EFEMP1: variants seen among roughly 807,000 people sequenced by gnomAD.
The protein encoded by EFEMP1 is EGF-containing fibulin-like extracellular matrix protein 1.
Under a neutral mutation model 65.7 loss-of-function variants are expected in EFEMP1, and 18 were observed. That is an observed-to-expected ratio of 0.27 (90% CI 0.19 to 0.41). The LOEUF (loss-of-function observed/expected upper bound fraction) is 0.41. Ranked by LOEUF, EFEMP1 falls within the 10% of genes least tolerant of loss-of-function variation. The pLI is 1.00. For synonymous variants in EFEMP1, 237 were observed against 219.7 expected (o/e 1.08, Z -0.70); for missense variants, 469 against 624.8 (o/e 0.75, Z 2.66).
intron 5 of EFEMP1, among the ~76,000 whole-genome samples, chr2:55,902,278 C>T (rs1199858290): frequency 6.6e-6 from 1 of 152,204 alleles, no homozygotes; most frequent in African/African-American, 2.4e-5. Flanking sequence ...TGGTTGTAAG[C>T]ATGGTTTGAG....
At position 55,871,173 on chromosome 2, in the gene EFEMP1, T is replaced by C. The variant is rs1668795036; in HGVS notation, c.1001-50A>G. The C allele has an allele frequency of 1.2e-6, 2 of 1,610,654 alleles. No individual in the cohort carries two copies. Among genetic ancestry groups the C allele is most frequent in the East Asian group, 2.2e-5 (1 of 44,852 alleles). ...TTTACTAACTAAACTAATGAACTGA[T>C]CTAATTAAATCATATAACTGGCAGA... On this transcript the variant is annotated intron_variant, in intron 9 of 11. Coordinates refer to ENST00000355426, the MANE Select transcript of EFEMP1 (RefSeq NM_001039348.3). The surrounding 1 kb of genome is among the most constrained non-coding windows in gnomAD (Gnocchi z 4.2).
Position 55,867,199 on chromosome 2 carries a change from C to T in EFEMP1, c.1356G>A (p.Val452=), listed in dbSNP as rs1668609604. 14 of 1,613,858 alleles carry T rather than the reference C, an allele frequency of 8.7e-6. No homozygotes were observed. Among genetic ancestry groups the T allele is most frequent in the Non-Finnish European group, 1.2e-5 (14 of 1,179,934 alleles). ...TSPVSAMLVL[V]KSLSGPREHI... Reference sequence around the variant, plus strand: ...GTTCTCTTGGTCCTGATAATGACTTCACGAGCACAAGCATTGCACTTACAG... The same window carrying T: ...GTTCTCTTGGTCCTGATAATGACTTTACGAGCACAAGCATTGCACTTACAG... Residue 452 remains valine (V), a synonymous_variant, in exon 12 of 12, where the codon GTG becomes GTA. Transcript: ENST00000355426. The surrounding 1 kb of genome is among the most constrained non-coding windows in gnomAD (Gnocchi z 4.3).
chr2:55,904,978 T>C (rs1670191331), intron 5 of EFEMP1, among the ~76,000 whole-genome samples: 2 of 35,194 alleles, frequency 5.7e-5, no homozygotes, highest in South Asian at 2.2e-3. Flanking sequence ...TTTTTTTTTT[T>C]CTTTTTCTTT....
chr2:55,914,856 C>A (rs1216322255), intron 5 of EFEMP1, among the ~76,000 whole-genome samples: 1 of 152,118 alleles, frequency 6.6e-6, no homozygotes, highest in East Asian at 1.9e-4. Context: ...TAATATAGGT[C>A]CTTAGAGCAC....
rs765057042 is a variant in EFEMP1 at position 55,867,170 on chromosome 2, A to G, written c.1385T>C (p.Ile462Thr). The G allele has an allele frequency of 9.9e-6, 16 of 1,614,026 alleles. No individual in the cohort carries two copies. Among genetic ancestry groups the G allele is most frequent in the Admixed American group, 1.7e-5 (1 of 60,010 alleles). Residue 462 changes from isoleucine to threonine, a missense_variant, in exon 12 of 12, where the codon ATC becomes ACC. Physicochemically the swap from Ile to Thr is moderately conservative, Grantham distance 89 (BLOSUM62 -1). Around this residue, in one of 3 missense-constraint regions of EFEMP1, gnomAD observed 399 missense variants for 528.2 expected, o/e 0.76. Transcript: ENST00000355426. The surrounding 1 kb of genome is among the most constrained non-coding windows in gnomAD (Gnocchi z 4.3). Reference protein sequence around the residue: ...VKSLSGPREHIVDLEMLTVSS... With the variant: ...VKSLSGPREHTVDLEMLTVSS... ...GACTGTCAGCATCTCCAGGTCCACG[A>G]TATGTTCTCTTGGTCCTGATAATGA...
Position 55,922,254 on chromosome 2 carries a change from C to A in EFEMP1, c.81+106G>T. On this transcript the variant is annotated intron_variant, in intron 3 of 11. Coordinates refer to ENST00000355426, the MANE Select transcript of EFEMP1 (RefSeq NM_001039348.3). The surrounding 1 kb of genome is among the most constrained non-coding windows in gnomAD (Gnocchi z 5.5). ...GAATGAAGTGTTGTTTAATTTATCA[C>A]CCTCAGCAGAGTATAGCCCAAATAC... is the stretch of plus-strand genomic sequence containing the variant. 1 of 1,022,598 alleles carries A rather than the reference C, an allele frequency of 9.8e-7. No homozygotes were observed. The highest frequency in any genetic ancestry group is 2.0e-4 in the Middle Eastern group (1 of 4,900). 63.3% of individuals were successfully genotyped at this position (1,022,598 alleles called of 1,614,324 possible).
chr2:55,867,261 A>AAG lies in EFEMP1; in HGVS notation c.1321-29_1321-28dup, dbSNP rs1668613830. 6.2e-7 allele frequency: 1 copy of AAG among 1,610,630 alleles called. No individual in the cohort carries two copies. Among genetic ancestry groups the AAG allele is most frequent in the South Asian group, 1.1e-5 (1 of 90,790 alleles). On this transcript the variant is annotated intron_variant, in intron 11 of 11. Transcript: ENST00000355426. The surrounding 1 kb of genome is among the most constrained non-coding windows in gnomAD (Gnocchi z 4.3). ...TAAAATAAAAGAAAATAGAGAAAGG[A>AAG]AGAGAATAATTTTCTTGGATTGGAG...
chr2:55,878,489 A>G (rs1371367617), intron 6 of EFEMP1, among the ~76,000 whole-genome samples: 1 of 151,548 alleles, frequency 6.6e-6, no homozygotes, highest in Admixed American at 6.6e-5. Context: ...TTTCAACTAT[A>G]AAATGCTCAA....
intron 6 of EFEMP1, among the ~76,000 whole-genome samples, chr2:55,881,197 GC>G (rs1181257232): frequency 6.6e-6 from 1 of 152,186 alleles, no homozygotes. Flanking sequence ...AGGTCTCAAA[GC>G]GAGCTGGGGT....
chr2:55,906,528 C>G (rs1290402781), intron 5 of EFEMP1, among the ~76,000 whole-genome samples: 2 of 148,648 alleles, frequency 1.3e-5, no homozygotes, highest in Non-Finnish European at 3.0e-5. Context: ...CCAGCCAAAA[C>G]CCTTCATCTT....
intron 5 of EFEMP1, among the ~76,000 whole-genome samples, chr2:55,891,061 C>A (rs1319274649): frequency 2.0e-5 from 3 of 151,958 alleles, no homozygotes; most frequent in Non-Finnish European, 4.4e-5. Flanking sequence ...CAGGTGCTAA[C>A]CCTAGTACTC....
At chr2:55,915,819 ATTTT>A (rs923301045) in intron 5 of EFEMP1, among the ~76,000 whole-genome samples, 1 of 152,038 alleles carries the variant, frequency 6.6e-6, no homozygotes, top group African/African-American at 2.4e-5. Context: ...TAAACTCAAG[ATTTT>A]TTTTATCAGT....
intron 3 of EFEMP1, among the ~76,000 whole-genome samples, chr2:55,918,710 C>T (rs1428091898): frequency 7.1e-6 from 1 of 141,810 alleles, no homozygotes; most frequent in African/African-American, 2.6e-5. Flanking sequence ...TCTAAATCCT[C>T]TTACAGCATT....
intron 8 of EFEMP1, among the ~76,000 whole-genome samples, chr2:55,875,443 A>G (rs560445429): frequency 1.3e-5 from 2 of 152,068 alleles, no homozygotes; most frequent in South Asian, 4.1e-4. Context: ...GAGTAAAAAT[A>G]TTGCAAATTC....
intron 5 of EFEMP1, among the ~76,000 whole-genome samples, chr2:55,907,363 T>A (rs1005489958): frequency 2.0e-5 from 3 of 152,232 alleles, no homozygotes; most frequent in African/African-American, 7.2e-5. Context: ...TTAGCCTACG[T>A]AGGCAGGTTT....
In EFEMP1 at chr2:55,871,062, A is replaced by G. The variant is rs1208704909; in HGVS notation, c.1062T>C (p.His354=). The G allele has an allele frequency of 2.5e-6, 4 of 1,613,768 alleles. No homozygotes were observed. Among genetic ancestry groups the G allele is most frequent in the East Asian group, 4.5e-5 (2 of 44,880 alleles). The change falls in exon 10 of 12, where the codon CAT becomes CAC. Residue 354 remains histidine, a synonymous_variant. Transcript: ENST00000355426. The surrounding 1 kb of genome is among the most constrained non-coding windows in gnomAD (Gnocchi z 4.2). ...TTCGTGGATAACAACGGAAGCCGCC[A>G]TGATAATTCCAACACATTTCATCCT... The part of the protein sequence containing the change: ...CREDEMCWNY[H]GGFRCYPRNP...
intron 6 of EFEMP1, among the ~76,000 whole-genome samples, chr2:55,880,961 G>T (rs535051270): frequency 6.6e-6 from 1 of 152,218 alleles, no homozygotes; most frequent in Non-Finnish European, 1.5e-5. Context: ...GCAGAGGCAC[G>T]TGCTGAACTT....
At chr2:55,874,609 T>G (rs548716464) in intron 9 of EFEMP1, among the ~76,000 whole-genome samples, 71 of 152,230 alleles carry the variant, frequency 4.7e-4, no homozygotes, top group African/African-American at 1.7e-3. Context: ...GAGCTTATGC[T>G]CTAAACTCAA....
intron 5 of EFEMP1, among the ~76,000 whole-genome samples, chr2:55,898,034 G>A (rs779413532): frequency 3.8e-4 from 58 of 152,274 alleles, no homozygotes; most frequent in Non-Finnish European, 6.6e-4. Flanking sequence ...TTAACAGACT[G>A]TTTAGACATA....
Sources: gnomAD v4.1 joint callset for allele counts (sites outside exome capture counted in the v4.1 genomes callset) on GRCh38, gnomAD v4.1.1 for gene constraint, gnomAD v4.1.1 regional missense constraint, Gnocchi (gnomAD v3.1) non-coding constraint, MANE v1.5 for transcripts, NCBI Gene and HGNC (gene_info 2026-07-23, HGNC 2026-07-21) for gene names.